The following DUSP16 variants were observed in gnomAD, a reference collection of about 807,000 sequenced individuals.
DUSP16 encodes the protein dual specificity protein phosphatase 16.
A neutral mutation model predicts 58.3 loss-of-function variants in DUSP16; 21 were observed. The ratio of observed to expected loss-of-function variants is 0.36; its 90% CI spans 0.26 to 0.52. The LOEUF is 0.52. Ranked by LOEUF, DUSP16 falls within the 20% of genes least tolerant of loss-of-function variation. DUSP16 has a pLI of 0.94. For synonymous variants in DUSP16, 320 were observed against 323.8 expected (o/e 0.99, Z 0.12); for missense variants, 726 against 819.0 (o/e 0.89, Z 1.39).
intron 1 of DUSP16, among the ~76,000 whole-genome samples, chr12:12,531,201 A>C (rs2136241515): frequency 6.6e-6 from 1 of 152,290 alleles, no homozygotes; most frequent in Admixed American, 6.5e-5. Flanking sequence ...TAATTTTTCC[A>C]AACAGGACTG....
intron 4 of DUSP16, among the ~76,000 whole-genome samples, chr12:12,492,619 G>A (rs547376851): frequency 1.1e-4 from 17 of 151,848 alleles, no homozygotes; most frequent in Admixed American, 5.9e-4. Context: ...TCAGCTTCGC[G>A]TCTCCCTCCA....
rs1198742894 is a variant in DUSP16, at chr12:12,477,419, A to C, written c.1412T>G (p.Leu471Arg). Residue 471 changes from leucine to arginine, a missense_variant, in exon 7 of 7, where the codon CTG (leucine) becomes CGG (arginine). Physicochemically the swap from Leu to Arg is moderately radical, Grantham distance 102. Coordinates refer to ENST00000298573, the MANE Select transcript of DUSP16 (RefSeq NM_030640.3). The surrounding 1 kb of genome is among the most constrained non-coding windows in gnomAD (Gnocchi z 4.1). ...GCTGTCTGAAGGCCTGGCGGTCTGC[A>C]GCTTCTTGGGGATGCTGGCTTCCTC... ...DKEEASIPKKLQTARPSDSQS... is the reference protein window; with the variant it reads ...DKEEASIPKKRQTARPSDSQS... 1 of 1,609,276 alleles carries C rather than the reference A, an allele frequency of 6.2e-7. No individual in the cohort carries two copies. The highest frequency in any genetic ancestry group is 8.5e-7 in the Non-Finnish European group (1 of 1,177,344).
intron 1 of DUSP16, among the ~76,000 whole-genome samples, chr12:12,527,430 C>T (rs926924006): frequency 1.3e-5 from 2 of 152,058 alleles, no homozygotes; most frequent in African/African-American, 4.8e-5. Context: ...ATTCTGAGCT[C>T]TGGTATTTGG....
intron 1 of DUSP16, among the ~76,000 whole-genome samples, chr12:12,524,808 CA>C (rs35276630): frequency 6.6e-6 from 1 of 151,600 alleles, no homozygotes; most frequent in African/African-American, 2.4e-5. Context: ...TCATATGGTT[CA>C]AAAAAAGTCT....
Position 12,476,047 on chromosome 12 carries a change from A to G in DUSP16, c.*786T>C, listed in dbSNP as rs147987795. 871 of 152,474 alleles carry G rather than the reference A, an allele frequency of 5.7e-3. 7 individuals are homozygous for G. Among genetic ancestry groups the G allele is most frequent in the African/African-American group, 0.02 (848 of 41,552 alleles). 9.4% of individuals were successfully genotyped at this position (152,474 alleles called of 1,614,324 possible). ...CTGGTGGTTCAGCTGAATCCTAGAC[A>G]GTTTCCCTTCTCTTCATAAAGCTGA... On this transcript the variant is annotated 3_prime_UTR_variant, in exon 7 of 7. Coordinates refer to ENST00000298573, the MANE Select transcript of DUSP16 (RefSeq NM_030640.3).
chr12:12,521,278 T>C lies in DUSP16; in HGVS notation c.-180A>G, dbSNP rs779642925. 11 of 1,438,852 alleles carry C rather than the reference T, an allele frequency of 7.6e-6. No homozygotes were observed. The highest frequency in any genetic ancestry group is 1.0e-5 in the Non-Finnish European group (11 of 1,100,678). The allele number at this position is 1,438,852 out of a possible 1,614,324, so 89.1% of individuals were successfully genotyped here. A position where few individuals can be genotyped will look rare whatever the true frequency, so the allele number is the denominator to read the frequency against. On this transcript the variant is annotated 5_prime_UTR_variant, in exon 2 of 7. Transcript: ENST00000298573. Reference sequence around the variant, plus strand: ...CAAGAGCCCTCCAAGTGAATGTCTCTTTCTCTTTCCCGTTGATGTGCTCTT... The same window carrying C: ...CAAGAGCCCTCCAAGTGAATGTCTCCTTCTCTTTCCCGTTGATGTGCTCTT...
intron 1 of DUSP16, among the ~76,000 whole-genome samples, chr12:12,527,768 A>G (rs1352486584): frequency 6.6e-6 from 1 of 152,210 alleles, no homozygotes; most frequent in Non-Finnish European, 1.5e-5. Flanking sequence ...TGCTTGAAGC[A>G]AAACTATTTA....
intron 1 of DUSP16, among the ~76,000 whole-genome samples, chr12:12,529,395 C>A (rs1295151543): frequency 6.6e-6 from 1 of 152,200 alleles, no homozygotes; most frequent in Non-Finnish European, 1.5e-5. Flanking sequence ...CAGGCGTGAG[C>A]CACTGTGCCC....
intron 1 of DUSP16, among the ~76,000 whole-genome samples, chr12:12,524,071 A>C (rs969583048): frequency 1.3e-5 from 2 of 152,240 alleles, no homozygotes; most frequent in African/African-American, 4.8e-5. Flanking sequence ...GCAAACATGC[A>C]AAAGTTGAAT....
chr12:12,541,541 G>T (rs1283887058), intron 1 of DUSP16, among the ~76,000 whole-genome samples: 1 of 152,204 alleles, frequency 6.6e-6, no homozygotes, highest in Non-Finnish European at 1.5e-5. Flanking sequence ...ATTCTCAGGA[G>T]TTGGTCAATC....
intron 1 of DUSP16, among the ~76,000 whole-genome samples, chr12:12,538,364 C>T (rs1592203325): frequency 6.6e-6 from 1 of 152,182 alleles, no homozygotes; most frequent in East Asian, 1.9e-4. Flanking sequence ...TCAGAGACTA[C>T]TGAAATTTCA....
Position 12,520,010 on chromosome 12 carries a change from A to G in DUSP16, c.229-10T>C. The G allele has an allele frequency of 6.2e-7, 1 of 1,614,040 alleles. No homozygotes were observed. Among genetic ancestry groups the G allele is most frequent in the East Asian group, 2.2e-5 (1 of 44,866 alleles). Reference sequence around the variant, plus strand: ...TGCAATCAATGTCAACCTGAAATGCAAACATGAGGCTTGTTAGGAAGAAGG... The same window carrying G: ...TGCAATCAATGTCAACCTGAAATGCGAACATGAGGCTTGTTAGGAAGAAGG... On this transcript the variant is annotated splice_polypyrimidine_tract_variant and intron_variant, in intron 2 of 6. Coordinates refer to ENST00000298573, the MANE Select transcript of DUSP16 (RefSeq NM_030640.3).
At chr12:12,478,625 C>G (rs1943504758) in intron 6 of DUSP16, among the ~76,000 whole-genome samples, 1 of 152,072 alleles carries the variant, frequency 6.6e-6, no homozygotes. Context: ...TGTGAGCCAC[C>G]ATGCCTGGCC....
At chr12:12,515,228 T>C (rs1195706375) in intron 3 of DUSP16, among the ~76,000 whole-genome samples, 2 of 152,014 alleles carry the variant, frequency 1.3e-5, no homozygotes, top group African/African-American at 4.8e-5. Flanking sequence ...TTTAGCCAAA[T>C]AGGAATTACA....
At chr12:12,525,731 TACACACACACACACAC>T (rs35552389) in intron 1 of DUSP16, among the ~76,000 whole-genome samples, 12 of 146,080 alleles carry the variant, frequency 8.2e-5, no homozygotes, top group Middle Eastern at 3.2e-3. Flanking sequence ...AATATATGTA[TACACACACACACACAC>T]ACACACACAC....
At chr12:12,503,391 A>G (rs935250818) in intron 3 of DUSP16, among the ~76,000 whole-genome samples, 31 of 152,038 alleles carry the variant, frequency 2.0e-4, no homozygotes, top group African/African-American at 4.8e-4. Context: ...ACATTTGGCT[A>G]ATTTTTTATT....
At chr12:12,504,938 C>T (rs1015953342) in intron 3 of DUSP16, among the ~76,000 whole-genome samples, 3 of 152,078 alleles carry the variant, frequency 2.0e-5, no homozygotes, top group African/African-American at 7.2e-5. Flanking sequence ...AAAGAGAAAA[C>T]AGAGAATCCA....
At chr12:12,501,093 G>A (rs185386522) in intron 3 of DUSP16, among the ~76,000 whole-genome samples, 1 of 152,298 alleles carries the variant, frequency 6.6e-6, no homozygotes, top group East Asian at 1.9e-4. Context: ...GAGGCTGAAT[G>A]CAACTTCTTC....
At chr12:12,510,611 T>A (rs936660901) in intron 3 of DUSP16, among the ~76,000 whole-genome samples, 10 of 152,150 alleles carry the variant, frequency 6.6e-5, no homozygotes, top group African/African-American at 2.4e-4. Context: ...CTACTATGAG[T>A]TTGACATAGC....
Sources: allele counts gnomAD v4.1 joint callset (sites outside exome capture counted in the v4.1 genomes callset), GRCh38; gene constraint gnomAD v4.1.1; non-coding constraint Gnocchi (gnomAD v3.1); transcripts MANE v1.5; gene names NCBI Gene and HGNC (gene_info 2026-07-23, HGNC 2026-07-21).